CSMD1: variants seen among roughly 807,000 people sequenced by gnomAD.
The protein encoded by CSMD1 is CUB and sushi domain-containing protein 1.
CSMD1 carries 213 observed loss-of-function variants against 417.5 expected under a neutral mutation model. The observed-to-expected ratio is 0.51, with a 90% CI of 0.46 to 0.57. CSMD1 has a LOEUF of 0.57. Ranked by LOEUF, CSMD1 falls within the 20% of genes least tolerant of loss-of-function variation. The pLI is 0.00. For synonymous variants in CSMD1, 2,862 were observed against 1,736.8 expected, an observed-to-expected ratio of 1.65 and a Z score of -16.11; for missense variants, 6,923 against 4,529.7, an observed-to-expected ratio of 1.53 and a Z score of -15.17.
chr8:3,243,044 C>T (rs772797991), intron 26 of CSMD1, among the ~76,000 whole-genome samples: 4 of 151,998 alleles, frequency 2.6e-5, no homozygotes. Context: ...TCTCCTTTGT[C>T]TCTACCAGAA....
chr8:4,027,978 C>T (rs762193806), intron 4 of CSMD1, among the ~76,000 whole-genome samples: 2 of 152,090 alleles, frequency 1.3e-5, no homozygotes, highest in African/African-American at 2.4e-5. Flanking sequence ...CCCAATGGCA[C>T]TCTCTTAAGT....
At chr8:4,228,322 TTCTCTG>T (rs1215239373) in intron 3 of CSMD1, among the ~76,000 whole-genome samples, 1 of 152,202 alleles carries the variant, frequency 6.6e-6, no homozygotes, top group East Asian at 1.9e-4. Context: ...AGGTGTTTTA[TTCTCTG>T]TCTCTAATTC....
chr8:3,287,680 C>T (rs1041549413), intron 25 of CSMD1, among the ~76,000 whole-genome samples: 4 of 152,038 alleles, frequency 2.6e-5, no homozygotes, highest in East Asian at 1.9e-4. Flanking sequence ...TGAAGTTGCC[C>T]ATCAGCTTAA....
chr8:4,912,122 C>CAAAAAAAAAAAAAAAAAA (rs36194482), intron 1 of CSMD1, among the ~76,000 whole-genome samples: 13 of 84,524 alleles, frequency 1.5e-4, no homozygotes, highest in East Asian at 2.9e-4. Flanking sequence ...AACATAGCTT[C>CAAAAAAAAAAAAAAAAAA]AAAAAAAAAA....
intron 1 of CSMD1, among the ~76,000 whole-genome samples, chr8:4,804,468 T>A (rs1012944048): frequency 2.6e-5 from 4 of 151,604 alleles, no homozygotes; most frequent in Non-Finnish European, 5.9e-5. Context: ...ATTTTTTTTT[T>A]TTTATTTAAA....
At position 4,051,975 on chromosome 8, in the gene CSMD1, G is replaced by C. The variant is rs571029034; in HGVS notation, c.416-19876C>G. Among the ~76,000 whole-genome samples the C allele has an allele frequency of 4.0e-5, 6 of 151,062 alleles. No homozygotes were observed. In the South Asian group the frequency reaches 1.1e-3, roughly 27 times the overall value. ...AGTTTCACTCTTGTTGCCCAGGCTG[G>C]AGTGCAACAGTGTTATCTCGGCTCA... On this transcript the variant is annotated intron_variant, in intron 3 of 69. Transcript: ENST00000635120.
At chr8:4,231,182 T>C (rs961588286) in intron 3 of CSMD1, among the ~76,000 whole-genome samples, 2 of 152,146 alleles carry the variant, frequency 1.3e-5, no homozygotes, top group Non-Finnish European at 2.9e-5. Flanking sequence ...AAAATACACA[T>C]CAATTGCGCA....
chr8:4,949,476 A>G (rs1563844917), intron 1 of CSMD1, among the ~76,000 whole-genome samples: 2 of 152,176 alleles, frequency 1.3e-5, no homozygotes. Flanking sequence ...GCCTCATCTA[A>G]TTTAGTAGTT....
At chr8:4,439,837 C>T (rs940001387) in intron 2 of CSMD1, among the ~76,000 whole-genome samples, 16 of 152,124 alleles carry the variant, frequency 1.1e-4, no homozygotes, top group African/African-American at 3.6e-4. Flanking sequence ...GGCACTAATA[C>T]AGAAGGCAGC....
intron 26 of CSMD1, among the ~76,000 whole-genome samples, chr8:3,252,386 C>G (rs1007331401): frequency 6.6e-6 from 1 of 152,176 alleles, no homozygotes; most frequent in African/African-American, 2.4e-5. Context: ...ATATGTTGAA[C>G]CAGCCTTGCA....
intron 5 of CSMD1, among the ~76,000 whole-genome samples, chr8:3,759,300 T>G (rs568616869): frequency 5.9e-5 from 9 of 152,274 alleles, no homozygotes; most frequent in Admixed American, 6.5e-5. Flanking sequence ...TGATCTAGAA[T>G]GATCCTGAGG....
rs558240865 is a variant in CSMD1 at position 3,175,095 on chromosome 8, A to G, written c.5725+6015T>C. Among the ~76,000 whole-genome samples, 10 of 152,314 alleles carry G rather than the reference A, an allele frequency of 6.6e-5. No individual in the cohort carries two copies. The South Asian group carries it at 2.1e-3, about 32-fold the overall frequency. ...ACATATGTTAATAATTGCAAAATAT[A>G]AAAGTGTGAATCAAATCAGGTAAAA... On this transcript the variant is annotated intron_variant, in intron 37 of 69. Transcript: ENST00000635120.
rs558348823 is a variant in CSMD1 at position 4,254,829 on chromosome 8, C to T, written c.415+165124G>A. On this transcript the variant is annotated intron_variant, in intron 3 of 69. Coordinates refer to ENST00000635120, the MANE Select transcript of CSMD1 (RefSeq NM_033225.6). The stretch of plus-strand genomic sequence containing the variant: ...TGCACCCCAGAGCCTAGGTGTGCCA[C>T]AGGCTGTACCATCTAGGTGGTCATA... Among the ~76,000 whole-genome samples the T allele has an allele frequency of 3.9e-5, 6 of 152,284 alleles. No individual in the cohort carries two copies. The South Asian group carries it at 1.2e-3, about 32-fold the overall frequency.
chr8:3,826,409 C>T (rs572162971), intron 5 of CSMD1, among the ~76,000 whole-genome samples: 5 of 152,236 alleles, frequency 3.3e-5, no homozygotes, highest in South Asian at 4.1e-4. Context: ...TCATGAGACA[C>T]GAGTTATTAG....
At chr8:3,788,272 T>A (rs1799553778) in intron 5 of CSMD1, among the ~76,000 whole-genome samples, 3 of 152,178 alleles carry the variant, frequency 2.0e-5, no homozygotes. Flanking sequence ...TCAGTTTTCT[T>A]TCTTAAGGAA....
intron 5 of CSMD1, among the ~76,000 whole-genome samples, chr8:3,856,559 C>G (rs1804327249): frequency 6.6e-6 from 1 of 152,166 alleles, no homozygotes; most frequent in Admixed American, 6.5e-5. Flanking sequence ...TCATGCGGCA[C>G]TGGGGCCTGA....
At chr8:4,974,182 A>C (rs1472960455) in intron 1 of CSMD1, among the ~76,000 whole-genome samples, 2 of 111,164 alleles carry the variant, frequency 1.8e-5, no homozygotes, top group Non-Finnish European at 4.0e-5. Context: ...ACACCCAGCT[A>C]ATTTTTTTTT....
intron 2 of CSMD1, among the ~76,000 whole-genome samples, chr8:4,492,701 C>T (rs570729756): frequency 5.9e-5 from 9 of 152,202 alleles, no homozygotes; most frequent in Middle Eastern, 3.4e-3. Flanking sequence ...GAGAATGAGT[C>T]GTCACATGTA....
intron 5 of CSMD1, among the ~76,000 whole-genome samples, chr8:3,915,215 G>C (rs928095982): frequency 2.0e-5 from 3 of 151,952 alleles, no homozygotes; most frequent in Admixed American, 6.6e-5. Context: ...AGACCAGCCT[G>C]GCCAACATCA....
Sources: allele counts gnomAD v4.1 joint callset (sites outside exome capture counted in the v4.1 genomes callset), GRCh38; gene constraint gnomAD v4.1.1; transcripts MANE v1.5; gene names NCBI Gene and HGNC (gene_info 2026-07-23, HGNC 2026-07-21).